The following DLG2 variants were observed in gnomAD, a reference collection of about 807,000 sequenced individuals.
The protein encoded by DLG2 is discs large MAGUK scaffold protein 2, also known as disks large homolog 2.
In DLG2, 45 loss-of-function variants were observed where a neutral mutation model predicts 132.5. That is an observed-to-expected ratio of 0.34 (90% confidence interval 0.27 to 0.44). The LOEUF (loss-of-function observed/expected upper bound fraction) is 0.44. Ranked by LOEUF, DLG2 falls within the 20% of genes least tolerant of loss-of-function variation. The pLI is 1.00. For missense variants in DLG2, 1,045 were observed against 1,196.9 expected (o/e 0.87, Z 1.87); for synonymous variants, 424 against 419.6 (o/e 1.01, Z -0.13).
intron 18 of DLG2, among the ~76,000 whole-genome samples, chr11:83,755,370 C>T (rs544354289): frequency 5.3e-5 from 8 of 150,926 alleles, no homozygotes; most frequent in Middle Eastern, 3.4e-3. Context: ...CACAAGCAAA[C>T]GGCAAAAACT....
intron 6 of DLG2, among the ~76,000 whole-genome samples, chr11:84,586,885 A>G (rs577261245): frequency 6.6e-6 from 1 of 152,350 alleles, no homozygotes; most frequent in Non-Finnish European, 1.5e-5. Context: ...AAGTACAAAG[A>G]CTTGAAATCT....
chr11:83,709,267 GTATGTATA>G (rs1268855812), intron 18 of DLG2, among the ~76,000 whole-genome samples: 1 of 148,024 alleles, frequency 6.8e-6, no homozygotes, highest in Non-Finnish European at 1.5e-5. Flanking sequence ...GTGTATATAT[GTATGTATA>G]TATACATATA....
At chr11:84,454,539 C>G (rs1433838805) in intron 7 of DLG2, among the ~76,000 whole-genome samples, 1 of 151,236 alleles carries the variant, frequency 6.6e-6, no homozygotes, top group Non-Finnish European at 1.5e-5. Flanking sequence ...AAATTATACC[C>G]AAATTTTATA....
chr11:83,556,000 G>A (rs2096508603), intron 19 of DLG2, among the ~76,000 whole-genome samples: 1 of 152,176 alleles, frequency 6.6e-6, no homozygotes, highest in Non-Finnish European at 1.5e-5. Context: ...ACACCAGGGT[G>A]TCCCGAACTC....
rs1005536007 is a variant in DLG2, at chr11:83,915,533, T to A, written c.1496+14795A>T. 1.1e-4 allele frequency among the ~76,000 whole-genome samples: 16 copies of A among 152,176 alleles called. 1 individual carries two copies. Among genetic ancestry groups the A allele is most frequent in the Non-Finnish European group, 5.9e-5 (4 of 68,016 alleles). On this transcript the variant is annotated intron_variant, in intron 15 of 27. Coordinates refer to ENST00000376104, the MANE Select transcript of DLG2 (RefSeq NM_001142699.3). ...TTAGTAAATGAGAACTATAGCCATG[T>A]TAAAAATGTAAAAATCTGAAAACCT...
intron 8 of DLG2, among the ~76,000 whole-genome samples, chr11:84,185,478 C>T (rs375070855): frequency 3.3e-5 from 5 of 152,112 alleles, no homozygotes; most frequent in Admixed American, 6.6e-5. Flanking sequence ...TGGGCTGAGA[C>T]GACGGGGTTT....
intron 3 of DLG2, among the ~76,000 whole-genome samples, chr11:85,297,273 C>T (rs1170767989): frequency 6.6e-6 from 1 of 152,138 alleles, no homozygotes; most frequent in African/African-American, 2.4e-5. Context: ...ATAAAGTATA[C>T]TGCCTTTTGT....
intron 12 of DLG2, among the ~76,000 whole-genome samples, chr11:83,976,155 A>G (rs966247234): frequency 6.6e-5 from 10 of 151,940 alleles, no homozygotes; most frequent in African/African-American, 2.4e-4. Flanking sequence ...AGTTATTGTT[A>G]TTACTAACTC....
intron 6 of DLG2, among the ~76,000 whole-genome samples, chr11:84,817,701 A>G (rs765887561): frequency 6.6e-6 from 1 of 151,980 alleles, no homozygotes; most frequent in African/African-American, 2.4e-5. Flanking sequence ...AGGTATAACA[A>G]TGGTTTCAAC....
chr11:85,506,485 T>C (rs1043625562), intron 3 of DLG2, among the ~76,000 whole-genome samples: 1 of 152,216 alleles, frequency 6.6e-6, no homozygotes, highest in African/African-American at 2.4e-5. Context: ...CCAGTAATCA[T>C]TCAGGAGCAA....
chr11:84,164,564 C>T (rs771954239), intron 8 of DLG2, among the ~76,000 whole-genome samples: 14 of 152,136 alleles, frequency 9.2e-5, no homozygotes, highest in Non-Finnish European at 1.3e-4. Context: ...TTGCCTAACA[C>T]AGAGCCTGGC....
At position 83,805,412 on chromosome 11, in the gene DLG2, C is replaced by T. The variant is rs971589357; in HGVS notation, c.1723-18620G>A. ...TGGATTTATTTTTGATATATCATGA[C>T]ATAATTTTTTATATATCATATTAGA... On this transcript the variant is annotated intron_variant, in intron 17 of 27. Transcript: ENST00000376104. Among the ~76,000 whole-genome samples, 7 of 151,578 alleles carry T rather than the reference C, an allele frequency of 4.6e-5. No individual in the cohort carries two copies. In the South Asian group the frequency reaches 1.5e-3, roughly 31 times the overall value.
chr11:83,828,062 C>A (rs767851936), intron 17 of DLG2, among the ~76,000 whole-genome samples: 4 of 151,928 alleles, frequency 2.6e-5, no homozygotes, highest in African/African-American at 4.8e-5. Flanking sequence ...AAGGGGTAGG[C>A]CTGGAAAAAA....
chr11:83,473,159 T>C (rs917233171), intron 22 of DLG2, among the ~76,000 whole-genome samples: 1 of 152,178 alleles, frequency 6.6e-6, no homozygotes, highest in Non-Finnish European at 1.5e-5. Context: ...AGAATTGCTG[T>C]ACCTTTTATT....
intron 3 of DLG2, among the ~76,000 whole-genome samples, chr11:85,352,825 C>G (rs559003330): frequency 3.3e-5 from 5 of 152,200 alleles, no homozygotes; most frequent in East Asian, 3.9e-4. Context: ...ACACCTTGTA[C>G]AAAAATTAAT....
chr11:84,778,721 G>C (rs2071148665), intron 6 of DLG2, among the ~76,000 whole-genome samples: 1 of 152,066 alleles, frequency 6.6e-6, no homozygotes, highest in Non-Finnish European at 1.5e-5. Flanking sequence ...ATTGTTTTTG[G>C]ATGTATCTGG....
intron 3 of DLG2, among the ~76,000 whole-genome samples, chr11:85,425,714 C>T (rs574257974): frequency 1.1e-4 from 16 of 152,248 alleles, no homozygotes; most frequent in Admixed American, 5.2e-4. Context: ...GCATGAGCGA[C>T]GCAGAAGATG....
intron 19 of DLG2, among the ~76,000 whole-genome samples, chr11:83,629,478 C>G (rs1031264550): frequency 6.6e-6 from 1 of 151,850 alleles, no homozygotes; most frequent in African/African-American, 2.4e-5. Context: ...GCTTTTTTTC[C>G]TTGCCCTCCC....
chr11:85,245,670 T>C (rs878973870), intron 4 of DLG2, among the ~76,000 whole-genome samples: 1 of 151,992 alleles, frequency 6.6e-6, no homozygotes, highest in Non-Finnish European at 1.5e-5. Flanking sequence ...CTTCTTGTAA[T>C]GAATTTACCC....
Sources: gnomAD v4.1 joint callset for allele counts (sites outside exome capture counted in the v4.1 genomes callset) on GRCh38, gnomAD v4.1.1 for gene constraint, MANE v1.5 for transcripts, NCBI Gene and HGNC (gene_info 2026-07-23, HGNC 2026-07-21) for gene names.